SDK1: variants seen among roughly 807,000 people sequenced by gnomAD.
SDK1 encodes the protein protein sidekick-1.
Under a neutral mutation model 245.5 loss-of-function variants are expected in SDK1, and 157 were observed. The ratio of observed to expected loss-of-function variants is 0.64; its 90% confidence interval spans 0.56 to 0.73. The LOEUF (loss-of-function observed/expected upper bound fraction) is 0.73. Ranked by LOEUF, SDK1 falls within the 30% of genes least tolerant of loss-of-function variation. The probability of loss-of-function intolerance (pLI) is 0.00; values close to 1 mark genes in which losing one functional copy is unlikely to be tolerated. For synonymous variants in SDK1, 1,647 were observed against 1,278.5 expected, an observed-to-expected ratio of 1.29 and a Z score of -6.15; for missense variants, 3,583 against 3,002.3, an observed-to-expected ratio of 1.19 and a Z score of -4.52.
intron 39 of SDK1, 108 bp downstream of exon 39, chr7:4,220,378 G>A: frequency 1.6e-6 from 2 of 1,233,888 alleles, no homozygotes; most frequent in Non-Finnish European, 2.2e-6. Context: ...GATGTTGGCG[G>A]CCAAGAGCTG....
chr7:3,380,399 A>G (rs1562451863), intron 1 of SDK1, among the ~76,000 whole-genome samples: 1 of 152,244 alleles, frequency 6.6e-6, no homozygotes, highest in South Asian at 2.1e-4. Context: ...TTTGTCTCCT[A>G]CACAGCGTTT....
chr7:4,159,233 G>A (rs1240519544), intron 31 of SDK1, among the ~76,000 whole-genome samples: 1 of 152,218 alleles, frequency 6.6e-6, no homozygotes, highest in Non-Finnish European at 1.5e-5. Context: ...TCCAGTGGAA[G>A]AATTTTCCAA....
At chr7:4,168,740 G>A (rs1348190027) in intron 32 of SDK1, among the ~76,000 whole-genome samples, 1 of 152,224 alleles carries the variant, frequency 6.6e-6, no homozygotes, top group Non-Finnish European at 1.5e-5. Flanking sequence ...TGGGGCGAGA[G>A]GGAGGCTTTG....
At chr7:3,937,127 C>G (rs1426946866) in intron 5 of SDK1, among the ~76,000 whole-genome samples, 1 of 152,132 alleles carries the variant, frequency 6.6e-6, no homozygotes, top group African/African-American at 2.4e-5. Flanking sequence ...GCACCGAGAT[C>G]TGGAGATGAA....
intron 4 of SDK1, among the ~76,000 whole-genome samples, chr7:3,651,175 G>A (rs189839176): frequency 1.4e-5 from 2 of 146,140 alleles, no homozygotes; most frequent in Admixed American, 1.4e-4. Flanking sequence ...CAGAGTGGCT[G>A]TACCATTTTG....
intron 40 of SDK1, among the ~76,000 whole-genome samples, chr7:4,226,908 T>C (rs74398275): frequency 0.011 from 1,663 of 152,030 alleles, 36 homozygotes; most frequent in African/African-American, 0.038. Context: ...ATTTAGAATG[T>C]GCCCAATGCA....
intron 2 of SDK1, among the ~76,000 whole-genome samples, chr7:3,620,692 C>T (rs1346720299): frequency 1.3e-5 from 2 of 152,102 alleles, no homozygotes; most frequent in Non-Finnish European, 2.9e-5. Context: ...GCCTGGCTGC[C>T]TGGTCTGCAG....
intron 5 of SDK1, among the ~76,000 whole-genome samples, chr7:3,919,776 A>C (rs566493685): frequency 6.6e-6 from 1 of 152,292 alleles, no homozygotes; most frequent in South Asian, 2.1e-4. Context: ...TTAATTCATT[A>C]GGACCTGCTA....
intron 4 of SDK1, among the ~76,000 whole-genome samples, chr7:3,767,196 A>G (rs1042517872): frequency 9.9e-5 from 15 of 152,112 alleles, no homozygotes; most frequent in Admixed American, 5.9e-4. Flanking sequence ...GGAGGTGACT[A>G]TGGAGGGAGG....
At chr7:3,422,179 A>G (rs1779552395) in intron 1 of SDK1, among the ~76,000 whole-genome samples, 1 of 152,232 alleles carries the variant, frequency 6.6e-6, no homozygotes, top group African/African-American at 2.4e-5. Flanking sequence ...GTTACCTTCA[A>G]GTGGAATGAA....
intron 28 of SDK1, among the ~76,000 whole-genome samples, chr7:4,140,406 A>T (rs1424797175): frequency 6.6e-6 from 1 of 152,200 alleles, no homozygotes; most frequent in African/African-American, 2.4e-5. Flanking sequence ...GCTGGGCCCA[A>T]GTGGGACCCC....
chr7:3,415,631 C>T (rs931447526), intron 1 of SDK1, among the ~76,000 whole-genome samples: 9 of 151,666 alleles, frequency 5.9e-5, no homozygotes, highest in Non-Finnish European at 1.2e-4. Context: ...CCCACAAGTC[C>T]ATGATAGTAG....
intron 4 of SDK1, among the ~76,000 whole-genome samples, chr7:3,748,300 A>G (rs1045972881): frequency 6.6e-6 from 1 of 152,126 alleles, no homozygotes; most frequent in Non-Finnish European, 1.5e-5. Context: ...TAGTTCCTTT[A>G]TTTCCCGGAT....
chr7:4,211,233 G>A (rs1053656631), intron 38 of SDK1, among the ~76,000 whole-genome samples: 2 of 152,184 alleles, frequency 1.3e-5, no homozygotes, highest in African/African-American at 2.4e-5. Context: ...AGAAGAGCAG[G>A]GAAGGTGTTG....
intron 4 of SDK1, among the ~76,000 whole-genome samples, chr7:3,792,664 A>G (rs1213876080): frequency 6.6e-6 from 1 of 150,558 alleles, no homozygotes; most frequent in African/African-American, 2.4e-5. Context: ...CCATCCATCT[A>G]ACTACTACCC....
In SDK1 at chr7:3,676,499, A is replaced by G. The variant is rs550939641; in HGVS notation, c.713+34394A>G. Among the ~76,000 whole-genome samples the G allele has an allele frequency of 1.2e-3, 182 of 151,608 alleles. 1 individual carries two copies. Among genetic ancestry groups the G allele is most frequent in the African/African-American group, 4.3e-3 (176 of 41,288 alleles). ...TGCCACCACGCCCAGCTAATTTTTT[A>G]TATTGTTAGTAGAGACGGGGTTTCA... is the stretch of plus-strand genomic sequence containing the variant. On this transcript the variant is annotated intron_variant, in intron 4 of 44. Coordinates refer to ENST00000404826, the MANE Select transcript of SDK1 (RefSeq NM_152744.4).
chr7:3,942,016 C>T (rs757331216), intron 5 of SDK1, among the ~76,000 whole-genome samples: 1 of 149,672 alleles, frequency 6.7e-6, no homozygotes, highest in Non-Finnish European at 1.5e-5. Context: ...TCATGCCATT[C>T]TCCTGCCTCA....
intron 44 of SDK1, among the ~76,000 whole-genome samples, chr7:4,251,199 A>G (rs777262701): frequency 6.6e-6 from 1 of 152,226 alleles, no homozygotes; most frequent in Non-Finnish European, 1.5e-5. Context: ...CAGTTGATGA[A>G]CATTTGAGTT....
chr7:3,558,120 A>G (rs921890518), intron 1 of SDK1, among the ~76,000 whole-genome samples: 1 of 152,108 alleles, frequency 6.6e-6, no homozygotes, highest in Admixed American at 6.5e-5. Context: ...TTCTATTGAA[A>G]TGGCCGGTAT....
Sources: allele counts gnomAD v4.1 joint callset (sites outside exome capture counted in the v4.1 genomes callset), GRCh38; gene constraint gnomAD v4.1.1; transcripts MANE v1.5; gene names NCBI Gene and HGNC (gene_info 2026-07-23, HGNC 2026-07-21).